The following GRIN2B variants were observed in gnomAD, a reference collection of about 807,000 sequenced individuals.
GRIN2B encodes the protein glutamate ionotropic receptor NMDA type subunit 2B, also known as glutamate receptor ionotropic, NMDA 2B.
GRIN2B carries 5 observed loss-of-function variants against 114.5 expected under a neutral mutation model. The observed-to-expected ratio is 0.04, with a 90% CI of 0.02 to 0.09. The LOEUF (loss-of-function observed/expected upper bound fraction) is 0.09, where lower values mean the gene tolerates loss of function less well. Among genes scored for constraint, GRIN2B ranks in the 10% least tolerant of loss-of-function variants. GRIN2B has a pLI of 1.00. For missense variants in GRIN2B, 1,108 were observed against 1,943.5 expected, an observed-to-expected ratio of 0.57 and a Z score of 8.08; for synonymous variants, 787 against 745.1, an observed-to-expected ratio of 1.06 and a Z score of -0.92.
intron 5 of GRIN2B, among the ~76,000 whole-genome samples, chr12:13,657,062 G>C (rs1949872037): frequency 6.6e-6 from 1 of 152,182 alleles, no homozygotes; most frequent in Non-Finnish European, 1.5e-5. Flanking sequence ...CACAGCATGG[G>C]ATTGCCAGAG....
rs553829007 is a variant in GRIN2B at position 13,854,508 on chromosome 12, T to TCAAAA, written c.411+11285_411+11289dup. Among the ~76,000 whole-genome samples, 529 of 151,726 alleles carry TCAAAA rather than the reference T, an allele frequency of 3.5e-3. 2 individuals carry two copies. The highest frequency in any genetic ancestry group is 4.1e-3 in the Non-Finnish European group (275 of 67,894). ...CTGGGTGACAGGGTGAGACTCCACC[T>TCAAAA]CAAAACAAAACAAAACAAGAAGCAA... On this transcript the variant is annotated intron_variant, in intron 3 of 13. Transcript: ENST00000609686.
intron 4 of GRIN2B, among the ~76,000 whole-genome samples, chr12:13,750,184 A>G (rs1863457880): frequency 2.0e-5 from 3 of 152,196 alleles, no homozygotes; most frequent in African/African-American, 2.4e-5. Context: ...TGAGGAATTG[A>G]TGAATAATAA....
At position 13,646,626 on chromosome 12, in the gene GRIN2B, TTCTTCC is replaced by T. The variant is rs199734497; in HGVS notation, c.1125+29113_1125+29118del. 1.2e-3 allele frequency among the ~76,000 whole-genome samples: 182 copies of T among 152,254 alleles called. 2 individuals are homozygous for T. The East Asian group carries it at 0.032, about 27-fold the overall frequency. On this transcript the variant is annotated intron_variant, in intron 5 of 13. Transcript: ENST00000609686. ...TGTTATATAAGCTTTCGCTTTCTTC[TTCTTCC>T]TCTTCCTCTTCTTCCTCCTCCTCCT...
chr12:13,567,337 G>T, intron 12 of GRIN2B, 74 bp from the exon 13 acceptor site: 2 of 1,019,754 alleles, frequency 2.0e-6, no homozygotes, highest in South Asian at 1.3e-5. Context: ...GGAGAAAGAG[G>T]AGTATTGAGC....
At position 13,753,541 on chromosome 12, in the gene GRIN2B, C is replaced by A. The variant is rs1339585240; in HGVS notation, c.786G>T (p.Val262=). 1 of 1,614,210 alleles carries A rather than the reference C, an allele frequency of 6.2e-7. No homozygotes were observed. Among genetic ancestry groups the A allele is most frequent in the Admixed American group, 1.7e-5 (1 of 60,020 alleles). Reference sequence around the variant, plus strand: ...CAGGCACTGTGTCTGTATCCCCTGCCACCAGACTGGGCACGATCCACGTGT... The same window carrying A: ...CAGGCACTGTGTCTGTATCCCCTGCAACCAGACTGGGCACGATCCACGTGT... The part of the protein sequence containing the change: ...YGYTWIVPSL[V]AGDTDTVPAE... The change falls in exon 4 of 14, where the codon GTG becomes GTT. Residue 262 remains valine (V), a synonymous_variant. Coordinates refer to ENST00000609686, the MANE Select transcript of GRIN2B (RefSeq NM_000834.5). This position sits in a 1 kb window ranked among gnomAD's most constrained non-coding sequence, Gnocchi z 6.2.
intron 2 of GRIN2B, among the ~76,000 whole-genome samples, chr12:13,890,345 C>T (rs1866238090): frequency 6.6e-6 from 1 of 152,150 alleles, no homozygotes; most frequent in Non-Finnish European, 1.5e-5. Flanking sequence ...TCAGGGATTC[C>T]TCAAATCTAA....
chr12:13,680,436 T>TGTG (rs374526823), intron 4 of GRIN2B, among the ~76,000 whole-genome samples: 5 of 123,480 alleles, frequency 4.0e-5, no homozygotes, highest in African/African-American at 1.5e-4. Context: ...CCCATCAAGG[T>TGTG]TGTGTGTGTG....
chr12:13,618,450 A>G (rs1331484326), intron 5 of GRIN2B, among the ~76,000 whole-genome samples: 1 of 152,112 alleles, frequency 6.6e-6, no homozygotes, highest in African/African-American at 2.4e-5. Flanking sequence ...TCTTAAATCC[A>G]AATTTATTCT....
chr12:13,593,889 A>T (rs928746062), intron 10 of GRIN2B, among the ~76,000 whole-genome samples: 2 of 152,260 alleles, frequency 1.3e-5, no homozygotes, highest in African/African-American at 4.8e-5. Flanking sequence ...TTATTAAAAG[A>T]AGACATTTAT....
At position 13,564,600 on chromosome 12, in the gene GRIN2B, G is replaced by T. The variant is rs1180122833; in HGVS notation, c.2638C>A (p.Arg880Ser). The T allele has an allele frequency of 1.2e-6, 2 of 1,613,890 alleles. No individual in the cohort carries two copies. The highest frequency in any genetic ancestry group is 1.7e-6 in the Non-Finnish European group (2 of 1,179,980). Residue 880 changes from arginine to serine, a missense_variant, in exon 14 of 14, where the codon CGC becomes AGC. Physicochemically the swap from Arg to Ser is moderately radical, Grantham distance 110. Coordinates refer to ENST00000609686, the MANE Select transcript of GRIN2B (RefSeq NM_000834.5). The surrounding 1 kb of genome is among the most constrained non-coding windows in gnomAD (Gnocchi z 4.8). ...SCIHGVAIEE[R>S]QSVMNSPTAT... ...GTGGGGGAGTTCATTACAGACTGGC[G>T]CTCCTCGATCGCCACCCCATGGATG...
At chr12:13,981,292 C>T (rs1863133286) in intron 1 of GRIN2B, 50 bp downstream of exon 1, 1 of 152,418 alleles carries the variant, frequency 6.6e-6, no homozygotes. Context: ...GCCTGACACC[C>T]CCAAACCCCT....
chr12:13,793,925 A>G (rs1297295658), intron 3 of GRIN2B, among the ~76,000 whole-genome samples: 1 of 150,484 alleles, frequency 6.6e-6, no homozygotes, highest in African/African-American at 2.4e-5. Flanking sequence ...AAAAGGGCCT[A>G]GTGCAGTGGC....
intron 4 of GRIN2B, among the ~76,000 whole-genome samples, chr12:13,751,029 A>G (rs1376065124): frequency 1.3e-5 from 2 of 152,226 alleles, no homozygotes; most frequent in African/African-American, 4.8e-5. Flanking sequence ...AATGAAGAGC[A>G]TGAGGCAGGT....
chr12:13,564,734 A>C lies in GRIN2B; in HGVS notation c.2599-95T>G. ...CACCAATAATTGCTCCAACTGGATA[A>C]GAAAAAGGGAAAGCATGAAGCGAAT... On this transcript the variant is annotated intron_variant, in intron 13 of 13. Transcript: ENST00000609686. This position sits in a 1 kb window ranked among gnomAD's most constrained non-coding sequence, Gnocchi z 4.8. 1 of 1,102,566 alleles carries C rather than the reference A, an allele frequency of 9.1e-7. No individual in the cohort carries two copies. The highest frequency in any genetic ancestry group is 1.4e-6 in the Non-Finnish European group (1 of 723,696). 68.3% of individuals were successfully genotyped at this position (1,102,566 alleles called of 1,614,324 possible). A position where few individuals can be genotyped will look rare whatever the true frequency, so the allele number is the denominator to read the frequency against.
At chr12:13,869,744 G>GTGAATGAA (rs144473371) in intron 2 of GRIN2B, among the ~76,000 whole-genome samples, 42 of 152,156 alleles carry the variant, frequency 2.8e-4, no homozygotes, top group African/African-American at 8.2e-4. Flanking sequence ...TGAGTGTTGA[G>GTGAATGAA]TGAATGAATG....
chr12:13,596,892 A>T (rs1200953373), intron 10 of GRIN2B, among the ~76,000 whole-genome samples: 1 of 152,238 alleles, frequency 6.6e-6, no homozygotes, highest in Admixed American at 6.5e-5. Flanking sequence ...AGGCCAGAGA[A>T]GGTCCCCAGG....
At chr12:13,697,310 GA>G (rs962714756) in intron 4 of GRIN2B, among the ~76,000 whole-genome samples, 9 of 150,266 alleles carry the variant, frequency 6.0e-5, no homozygotes, top group Non-Finnish European at 1.0e-4. Context: ...AATGTGATTA[GA>G]AAAAAAAACA....
At chr12:13,818,541 T>C (rs1010415112) in intron 3 of GRIN2B, among the ~76,000 whole-genome samples, 1 of 152,314 alleles carries the variant, frequency 6.6e-6, no homozygotes, top group East Asian at 1.9e-4. Context: ...TTCTTAGAGA[T>C]TGAGAAGCCA....
intron 2 of GRIN2B, among the ~76,000 whole-genome samples, chr12:13,964,065 G>C (rs571538856): frequency 3.2e-4 from 49 of 152,308 alleles, no homozygotes; most frequent in African/African-American, 1.2e-3. Flanking sequence ...CCTTAGACAA[G>C]AGTCAGAGTC....
Sources: allele counts gnomAD v4.1 joint callset (sites outside exome capture counted in the v4.1 genomes callset), GRCh38; gene constraint gnomAD v4.1.1; non-coding constraint Gnocchi (gnomAD v3.1); transcripts MANE v1.5; gene names NCBI Gene and HGNC (gene_info 2026-07-23, HGNC 2026-07-21).